The following SEMA5A variants were observed in gnomAD, a reference collection of about 807,000 sequenced individuals.
SEMA5A encodes the protein semaphorin-5A.
Under a neutral mutation model 135.5 loss-of-function variants are expected in SEMA5A, and 55 were observed. The observed-to-expected ratio is 0.41, with a 90% CI of 0.33 to 0.51. The LOEUF (loss-of-function observed/expected upper bound fraction) is 0.51. Ranked by LOEUF, SEMA5A falls within the 20% of genes least tolerant of loss-of-function variation. The pLI, the probability that SEMA5A is intolerant of heterozygous loss-of-function variation, is 0.37. For synonymous variants in SEMA5A, 580 were observed against 546.5 expected, an observed-to-expected ratio of 1.06 and a Z score of -0.85; for missense variants, 1,290 against 1,419.9, an observed-to-expected ratio of 0.91 and a Z score of 1.47.
At chr5:9,120,106 A>G (rs1740734814) in intron 14 of SEMA5A, among the ~76,000 whole-genome samples, 1 of 152,066 alleles carries the variant, frequency 6.6e-6, no homozygotes, top group South Asian at 2.1e-4. Context: ...ATGTGTTAAA[A>G]TATATATTAA....
chr5:9,082,434 A>G (rs748603264), intron 16 of SEMA5A, among the ~76,000 whole-genome samples: 16 of 152,158 alleles, frequency 1.1e-4, no homozygotes, highest in Admixed American at 1.3e-4. Flanking sequence ...GATGTCTTGA[A>G]AACAATTTTC....
chr5:9,410,149 AG>A (rs1246902813), intron 2 of SEMA5A, among the ~76,000 whole-genome samples: 1 of 152,230 alleles, frequency 6.6e-6, no homozygotes, highest in Non-Finnish European at 1.5e-5. Flanking sequence ...TTAAAGAAAG[AG>A]TATACATAAC....
rs757352761 is a variant in SEMA5A at position 9,190,471 on chromosome 5, A to T, written c.1069T>A (p.Cys357Ser). The change falls in exon 11 of 23, where the codon TGT (cysteine) becomes AGT (serine). Residue 357 changes from cysteine (C) to serine (S), a missense_variant and splice_region_variant. This residue lies in a region of SEMA5A where 1,029 missense variants were observed against 1,086.6 expected (regional missense o/e 0.95). Transcript: ENST00000382496. ...PYPNPNPHFQ[C>S]GTVDQGLYVN... ...TACAGGCCCTGGTCCACGGTGCCAC[A>T]CTGAAAGGGAAGACGGGCCAGGTTA... is the stretch of plus-strand genomic sequence containing the variant. 1 of 1,612,958 alleles carries T rather than the reference A, an allele frequency of 6.2e-7. No homozygotes were observed. The highest frequency in any genetic ancestry group is 1.7e-5 in the Admixed American group (1 of 60,016).
rs1157303595 is a variant in SEMA5A, at chr5:9,143,683, A to C, written c.1482-7062T>G. Among the ~76,000 whole-genome samples, 3 of 152,330 alleles carry C rather than the reference A, an allele frequency of 2.0e-5. No homozygotes were observed. The South Asian group carries it at 6.2e-4, about 32-fold the overall frequency. ...TAGATAGAGCACATGTGAAATAAGC[A>C]AGTCAAAAGTTCTTCCTGGATCTAG... On this transcript the variant is annotated intron_variant, in intron 12 of 22. Transcript: ENST00000382496.
chr5:9,322,277 T>G (rs1217587708), intron 4 of SEMA5A, among the ~76,000 whole-genome samples: 1 of 152,152 alleles, frequency 6.6e-6, no homozygotes, highest in African/African-American at 2.4e-5. Context: ...CATCTACCTC[T>G]TCTCCTTCCA....
At chr5:9,311,522 T>C (rs969402334) in intron 5 of SEMA5A, among the ~76,000 whole-genome samples, 1 of 139,618 alleles carries the variant, frequency 7.2e-6, no homozygotes, top group Non-Finnish European at 1.5e-5. Context: ...ATGTTCTCAC[T>C]CATAGGTGGG....
At chr5:9,289,657 T>G (rs1292642667) in intron 5 of SEMA5A, among the ~76,000 whole-genome samples, 3 of 151,798 alleles carry the variant, frequency 2.0e-5, no homozygotes, top group African/African-American at 7.3e-5. Flanking sequence ...AGAGCAAGAC[T>G]GTCTCAAAAA....
intron 13 of SEMA5A, 107 bp downstream of exon 13, chr5:9,136,397 T>C: frequency 1.1e-6 from 1 of 918,580 alleles, no homozygotes; most frequent in Non-Finnish European, 1.7e-6. Context: ...CAAAAATGGT[T>C]CTCATATGAA....
At chr5:9,054,316 A>T (rs1215688844) in intron 18 of SEMA5A, 59 bp from the exon 19 acceptor site, 48 of 1,554,326 alleles carry the variant, frequency 3.1e-5, no homozygotes, top group Non-Finnish European at 3.8e-5. Context: ...AAGTGAAAGG[A>T]GTTACTAAAT....
At chr5:9,343,527 C>G (rs1753739289) in intron 3 of SEMA5A, among the ~76,000 whole-genome samples, 3 of 152,192 alleles carry the variant, frequency 2.0e-5, no homozygotes, top group South Asian at 2.1e-4. Context: ...CTGACCTCTT[C>G]CTGAAGTTGT....
intron 1 of SEMA5A, among the ~76,000 whole-genome samples, chr5:9,441,439 C>T (rs937839336): frequency 1.1e-4 from 17 of 152,050 alleles, no homozygotes; most frequent in Non-Finnish European, 2.2e-4. Flanking sequence ...GAGCCATTTA[C>T]GCCAGCACCA....
At chr5:9,181,637 G>A (rs545863873) in intron 11 of SEMA5A, among the ~76,000 whole-genome samples, 39 of 152,094 alleles carry the variant, frequency 2.6e-4, no homozygotes, top group Non-Finnish European at 5.0e-4. Flanking sequence ...CTCAGCCCAG[G>A]TTCTAGGTCT....
chr5:9,469,208 C>T (rs954359261), intron 1 of SEMA5A, among the ~76,000 whole-genome samples: 10 of 152,094 alleles, frequency 6.6e-5, no homozygotes, highest in African/African-American at 9.7e-5. Flanking sequence ...GGGGTTTCAC[C>T]GTATTGTTCA....
Position 9,372,233 on chromosome 5 carries a change from G to A in SEMA5A, c.124+7590C>T, listed in dbSNP as rs147682541. Among the ~76,000 whole-genome samples the A allele has an allele frequency of 2.1e-3, 321 of 152,344 alleles. 2 individuals are homozygous for A. Among genetic ancestry groups the A allele is most frequent in the African/African-American group, 7.2e-3 (300 of 41,586 alleles). On this transcript the variant is annotated intron_variant, in intron 3 of 22. Coordinates refer to ENST00000382496, the MANE Select transcript of SEMA5A (RefSeq NM_003966.3). The stretch of plus-strand genomic sequence containing the variant: ...TGAGGTTGCTGTATCCTAATGAAGA[G>A]GCTAAACTCAGCCAGTACCATGACT...
At chr5:9,112,560 C>A (rs921301235) in intron 15 of SEMA5A, among the ~76,000 whole-genome samples, 2 of 152,162 alleles carry the variant, frequency 1.3e-5, no homozygotes, top group Non-Finnish European at 2.9e-5. Flanking sequence ...TAATTCAAGC[C>A]ATTTAGGAAG....
intron 2 of SEMA5A, among the ~76,000 whole-genome samples, chr5:9,429,311 G>A (rs188373785): frequency 1.4e-4 from 22 of 152,204 alleles, no homozygotes; most frequent in East Asian, 1.9e-4. Flanking sequence ...TTACTCATGC[G>A]ATTCAGAAAG....
Position 9,122,583 on chromosome 5 carries a change from A to G in SEMA5A, c.1781+73T>C, listed in dbSNP as rs571113478. 120 of 1,381,086 alleles carry G rather than the reference A, an allele frequency of 8.7e-5. No individual in the cohort carries two copies. The African/African-American group carries it at 1.5e-3, about 17-fold the overall frequency. 85.6% of individuals were successfully genotyped at this position (1,381,086 alleles called of 1,614,324 possible). A position where few individuals can be genotyped will look rare whatever the true frequency, so the allele number is the denominator to read the frequency against. Reference sequence around the variant, plus strand: ...TCTCCAAAAGGGAGTTATATTATAAATGATGTCCCAAACTCCTCGAGAATC... The same window carrying G: ...TCTCCAAAAGGGAGTTATATTATAAGTGATGTCCCAAACTCCTCGAGAATC... On this transcript the variant is annotated intron_variant, in intron 14 of 22. Coordinates refer to ENST00000382496, the MANE Select transcript of SEMA5A (RefSeq NM_003966.3).
At chr5:9,427,032 G>C (rs1302328864) in intron 2 of SEMA5A, among the ~76,000 whole-genome samples, 2 of 151,512 alleles carry the variant, frequency 1.3e-5, no homozygotes, top group East Asian at 4.0e-4. Flanking sequence ...AATGAAATTG[G>C]CCAGGTGCAG....
intron 8 of SEMA5A, among the ~76,000 whole-genome samples, chr5:9,209,263 C>T (rs1000346558): frequency 6.6e-6 from 1 of 152,308 alleles, no homozygotes; most frequent in South Asian, 2.1e-4. Context: ...TGCTCTTATT[C>T]CATTCCAAGC....
Sources: gnomAD v4.1 joint callset for allele counts (sites outside exome capture counted in the v4.1 genomes callset) on GRCh38, gnomAD v4.1.1 for gene constraint, gnomAD v4.1.1 regional missense constraint, MANE v1.5 for transcripts, NCBI Gene and HGNC (gene_info 2026-07-23, HGNC 2026-07-21) for gene names.